BAG3: variants seen among roughly 807,000 people sequenced by gnomAD.
BAG3 encodes the protein BAG cochaperone 3, also known as BAG family molecular chaperone regulator 3.
In BAG3, 14 loss-of-function variants were observed where a neutral mutation model predicts 40.5. The ratio of observed to expected loss-of-function variants is 0.35; its 90% CI spans 0.23 to 0.54. The LOEUF (loss-of-function observed/expected upper bound fraction) is 0.54. Ranked by LOEUF, BAG3 falls within the 20% of genes least tolerant of loss-of-function variation. BAG3 has a pLI of 0.91. For missense variants in BAG3, 788 were observed against 758.6 expected, an observed-to-expected ratio of 1.04 and a Z score of -0.46; for synonymous variants, 302 against 307.8, an observed-to-expected ratio of 0.98 and a Z score of 0.20.
chr10:119,665,126 G>GTGTA (rs1486968020), intron 1 of BAG3, among the ~76,000 whole-genome samples: 5 of 39,132 alleles, frequency 1.3e-4, no homozygotes, highest in Admixed American at 2.5e-4. Context: ...GTGTGTGTGT[G>GTGTA]TATATATATA....
In BAG3 at chr10:119,665,146, T is replaced by A. The variant is rs867446789; in HGVS notation, c.181-4705T>A. 2.3e-3 allele frequency among the ~76,000 whole-genome samples: 164 copies of A among 69,910 alleles called. 8 individuals are homozygous for A. The highest frequency in any genetic ancestry group is 0.011 in the East Asian group (27 of 2,444). The allele number at this position is 69,910 out of a possible 152,430, so 45.9% of individuals were successfully genotyped here. A position where few individuals can be genotyped will look rare whatever the true frequency, so the allele number is the denominator to read the frequency against. On this transcript the variant is annotated intron_variant, in intron 1 of 3. Transcript: ENST00000369085. ...TGTGTGTATATATATATATATATAT[T>A]TTTTTTTTTAGTTGGAGTCTTGCTC...
Position 119,672,175 on chromosome 10 carries a change from C to T in BAG3, c.508-80C>T, listed in dbSNP as rs964476630. 2 of 1,570,332 alleles carry T rather than the reference C, an allele frequency of 1.3e-6. No individual in the cohort carries two copies. Among genetic ancestry groups the T allele is most frequent in the East Asian group, 4.5e-5 (2 of 44,750 alleles). On this transcript the variant is annotated intron_variant, in intron 2 of 3. Transcript: ENST00000369085. This position sits in a 1 kb window ranked among gnomAD's most constrained non-coding sequence, Gnocchi z 4.8. ...CAATATGGATTGCCCTGAGGAGGTG[C>T]ACAGCAGAAGGCGTGGTCAGGATGC...
intron 1 of BAG3, among the ~76,000 whole-genome samples, chr10:119,668,996 A>T (rs139653495): frequency 6.6e-6 from 1 of 152,342 alleles, no homozygotes; most frequent in East Asian, 1.9e-4. Flanking sequence ...GTTTCTGGCT[A>T]TGCTGACCAA....
chr10:119,651,713 C>T lies in BAG3; in HGVS notation c.38C>T (p.Ala13Val). Reference protein sequence around the residue: ...AATHSPMMQVASGNGDRDPLP... With the variant: ...AATHSPMMQVVSGNGDRDPLP... ...ACCCACTCGCCCATGATGCAGGTGG[C>T]GTCCGGCAACGGTGACCGCGACCCT... The change falls in exon 1 of 4, where the codon GCG becomes GTG. Residue 13 changes from alanine to valine, a missense_variant. By Grantham distance (64) the Ala-to-Val change is moderately conservative. Transcript: ENST00000369085. The T allele has an allele frequency of 5.6e-6, 9 of 1,594,728 alleles. No individual in the cohort carries two copies. The highest frequency in any genetic ancestry group is 6.8e-6 in the Non-Finnish European group (8 of 1,171,446).
chr10:119,669,772 G>A (rs1041239306), intron 1 of BAG3, 79 bp from the exon 2 acceptor site: 23 of 1,409,914 alleles, frequency 1.6e-5, no homozygotes, highest in Middle Eastern at 1.7e-4. Flanking sequence ...ACAATGCCAA[G>A]CGCCACAGTG....
chr10:119,657,456 G>T, intron 1 of BAG3: 1 of 454,300 alleles, frequency 2.2e-6, no homozygotes, highest in Non-Finnish European at 4.6e-6. Context: ...TTGATGCCTG[G>T]CAGGGTCCAC....
At chr10:119,659,372 C>T (rs967295587) in intron 1 of BAG3, among the ~76,000 whole-genome samples, 4 of 152,186 alleles carry the variant, frequency 2.6e-5, no homozygotes, top group African/African-American at 9.7e-5. Context: ...GAGCTAGGAG[C>T]GCTGCCTGTG....
chr10:119,671,225 T>G (rs999027124), intron 2 of BAG3, among the ~76,000 whole-genome samples: 9 of 152,272 alleles, frequency 5.9e-5, no homozygotes, highest in African/African-American at 2.2e-4. Flanking sequence ...GGAGAATTGC[T>G]TAAACCCAGG....
chr10:119,664,043 A>C (rs1847027438), intron 1 of BAG3, among the ~76,000 whole-genome samples: 2 of 152,152 alleles, frequency 1.3e-5, no homozygotes, highest in Admixed American at 1.3e-4. Flanking sequence ...TCCGTAACAC[A>C]TGTATTTAGG....
intron 1 of BAG3, among the ~76,000 whole-genome samples, chr10:119,655,893 G>A (rs1179058125): frequency 1.3e-5 from 2 of 152,034 alleles, no homozygotes; most frequent in Non-Finnish European, 2.9e-5. Context: ...CTGCGGCAGC[G>A]TTTGACGTTG....
At chr10:119,661,585 C>T (rs1846992947) in intron 1 of BAG3, among the ~76,000 whole-genome samples, 1 of 151,914 alleles carries the variant, frequency 6.6e-6, no homozygotes, top group Non-Finnish European at 1.5e-5. Flanking sequence ...AATTTTTTTT[C>T]CCATTGAAAA....
chr10:119,668,996 A>AT (rs1847103741), intron 1 of BAG3, among the ~76,000 whole-genome samples: 1 of 152,224 alleles, frequency 6.6e-6, no homozygotes, highest in Admixed American at 6.5e-5. Context: ...GTTTCTGGCT[A>AT]TGCTGACCAA....
In BAG3 at chr10:119,672,852, C is replaced by T. The variant is rs557334394; in HGVS notation, c.909+196C>T. On this transcript the variant is annotated intron_variant, in intron 3 of 3. Transcript: ENST00000369085. The surrounding 1 kb of genome is among the most constrained non-coding windows in gnomAD (Gnocchi z 4.8). ...TTGCTCAGGCTGTGAACCCTCCGCA[C>T]TCTGCAGCTTTTGCTGGGCTGATCA... Among the ~76,000 whole-genome samples the T allele has an allele frequency of 5.9e-5, 9 of 152,298 alleles. No homozygotes were observed. The highest frequency in any genetic ancestry group is 2.2e-4 in the African/African-American group (9 of 41,558).
intron 1 of BAG3, among the ~76,000 whole-genome samples, chr10:119,652,695 A>G (rs193021531): frequency 1.2e-3 from 189 of 152,338 alleles, no homozygotes; most frequent in African/African-American, 4.3e-3. Context: ...CTGCCTTGTT[A>G]TGGTATTAAA....
At chr10:119,652,647 G>T (rs576657242) in intron 1 of BAG3, among the ~76,000 whole-genome samples, 1 of 152,196 alleles carries the variant, frequency 6.6e-6, no homozygotes, top group East Asian at 1.9e-4. Context: ...TGGAGAGAAA[G>T]AGAATGATAC....
chr10:119,676,654 C>G lies in BAG3; in HGVS notation c.1100C>G (p.Pro367Arg), dbSNP rs786205347. 11 of 1,614,054 alleles carry G rather than the reference C, an allele frequency of 6.8e-6. No homozygotes were observed. Among genetic ancestry groups the G allele is most frequent in the Middle Eastern group, 1.6e-4 (1 of 6,084 alleles). Residue 367 changes from proline to arginine, a missense_variant, in exon 4 of 4, where the codon CCC becomes CGC. Pro to Arg is a moderately radical substitution (Grantham distance 103). Transcript: ENST00000369085. ...TCTGAGAAGGTAGAGGTGAAAGTTCCCCCTGCTCCAGTTCCTTGTCCTCCT... is the reference window on the plus strand; with the variant it reads ...TCTGAGAAGGTAGAGGTGAAAGTTCGCCCTGCTCCAGTTCCTTGTCCTCCT... ...PPSEKVEVKV[P>R]PAPVPCPPPS...
At chr10:119,675,840 C>CTCCTTCCT (rs1315193734) in intron 3 of BAG3, among the ~76,000 whole-genome samples, 3 of 46,862 alleles carry the variant, frequency 6.4e-5, no homozygotes, top group East Asian at 8.4e-4. Context: ...TCCCCCTTCC[C>CTCCTTCCT]TCCTTCCTTC....
chr10:119,676,022 C>A (rs1166854490), intron 3 of BAG3, among the ~76,000 whole-genome samples: 1 of 138,572 alleles, frequency 7.2e-6, no homozygotes, highest in Admixed American at 7.8e-5. Flanking sequence ...AATTCCTGGG[C>A]TCAAGCGATT....
chr10:119,651,819 G>C lies in BAG3; in HGVS notation c.144G>C (p.Thr48=). Residue 48 remains threonine, a synonymous_variant, in exon 1 of 4, where the codon ACG becomes ACC. Coordinates refer to ENST00000369085, the MANE Select transcript of BAG3 (RefSeq NM_004281.4). The part of the protein sequence containing the change: ...FFVDHNSRTT[T]WNDPRVPSEG... ...TGGACCACAACAGCCGCACCACTAC[G>C]TGGAACGACCCGCGCGTGCCCTCTG... 2 of 1,593,640 alleles carry C rather than the reference G, an allele frequency of 1.3e-6. No individual in the cohort carries two copies. Among genetic ancestry groups the C allele is most frequent in the Non-Finnish European group, 1.7e-6 (2 of 1,170,998 alleles).
Sources: gnomAD v4.1 joint callset for allele counts (sites outside exome capture counted in the v4.1 genomes callset) on GRCh38, gnomAD v4.1.1 for gene constraint, Gnocchi (gnomAD v3.1) non-coding constraint, MANE v1.5 for transcripts, NCBI Gene and HGNC (gene_info 2026-07-23, HGNC 2026-07-21) for gene names.